RIF1: variants seen among roughly 807,000 people sequenced by gnomAD.
RIF1 encodes replication timing regulatory factor 1.
A neutral mutation model predicts 247.1 loss-of-function variants in RIF1; 45 were observed. The ratio of observed to expected loss-of-function variants is 0.18; its 90% CI spans 0.14 to 0.23. The LOEUF is 0.23. Among genes scored for constraint, RIF1 ranks in the 10% least tolerant of loss-of-function variants. RIF1 has a pLI of 1.00. For missense variants in RIF1, 2,967 were observed against 2,862.5 expected (o/e 1.04, Z -0.83); for synonymous variants, 1,087 against 978.8 (o/e 1.11, Z -2.06).
chr2:151,530,933 G>T, the RIF1 span: 4 of 1,111,608 alleles, frequency 3.6e-6, no homozygotes, highest in African/African-American at 3.1e-5. Flanking sequence ...ACCAGGGTTT[G>T]TTACATCTCA....
downstream of RIF1, chr2:151,485,775 G>T: frequency 1.2e-6 from 2 of 1,610,986 alleles, no homozygotes; most frequent in Non-Finnish European, 1.7e-6. Flanking sequence ...TAGCTTCAAC[G>T]TAGTTGGCTG....
At chr2:151,507,988 A>T (rs2153217324) in exon 14 of RIF1, 1 of 1,576,948 alleles carries the variant, frequency 6.3e-7, no homozygotes, top group Non-Finnish European at 8.7e-7. Flanking sequence ...TGTGCCTTAC[A>T]TTTAATAAAA....
At chr2:151,488,665 T>C (rs2053365007) in intron 9 of RIF1, among the ~76,000 whole-genome samples, 2 of 151,984 alleles carry the variant, frequency 1.3e-5, no homozygotes, top group Admixed American at 6.6e-5. Flanking sequence ...AAAAAAAGTA[T>C]TCTGTATTAT....
chr2:151,416,786 T>A, intron 5 of RIF1, 21 bp from the exon 6 acceptor site: 1 of 1,602,516 alleles, frequency 6.2e-7, no homozygotes, highest in Non-Finnish European at 8.5e-7. Flanking sequence ...TTCATTTGTA[T>A]TTATTTGGTT....
At chr2:151,529,123 T>C in the RIF1 span, 2 of 852,564 alleles carry the variant, frequency 2.3e-6, no homozygotes, top group Non-Finnish European at 4.0e-6. Flanking sequence ...TAGAGCTGAA[T>C]TGCCTGAAGA....
intron 23 of RIF1, 128 bp from the exon 24 acceptor site, chr2:151,457,633 A>T (rs910678833): frequency 1.6e-6 from 1 of 634,910 alleles, no homozygotes; most frequent in Non-Finnish European, 2.7e-6. Flanking sequence ...ATAAAGAGGG[A>T]TATATATTTA....
chr2:151,421,581 T>A lies in RIF1; in HGVS notation c.693+1202T>A, dbSNP rs535884228. Among the ~76,000 whole-genome samples, 14 of 152,280 alleles carry A rather than the reference T, an allele frequency of 9.2e-5. No homozygotes were observed. The South Asian group carries it at 2.9e-3, about 32-fold the overall frequency. ...GAAAGCCATATTTGAAGGTCTTGTT[T>A]TGTTTTTTGTTTGAGACAAGGTCTC... On this transcript the variant is annotated intron_variant, in intron 7 of 35. Coordinates refer to ENST00000444746, the MANE Select transcript of RIF1 (RefSeq NM_018151.5).
intron 8 of RIF1, among the ~76,000 whole-genome samples, chr2:151,424,840 T>TTTTTTTTTTTTTTTTTTC (rs1688742544): frequency 7.1e-6 from 1 of 141,414 alleles, no homozygotes; most frequent in African/African-American, 2.7e-5. Context: ...TTTTTTTTTT[T>TTTTTTTTTTTTTTTTTTC]TTTTTTTTTT....
chr2:151,487,046 TG>T (rs2051157645), downstream of RIF1, among the ~76,000 whole-genome samples: 2 of 151,254 alleles, frequency 1.3e-5, no homozygotes, highest in East Asian at 3.9e-4. Flanking sequence ...TGCATGAAAT[TG>T]TGTGTGTGTG....
At chr2:151,489,177 A>G (rs1174493205) in intron 9 of RIF1, among the ~76,000 whole-genome samples, 1 of 152,158 alleles carries the variant, frequency 6.6e-6, no homozygotes, top group Admixed American at 6.5e-5. Flanking sequence ...ACCTTCTTGT[A>G]TGTCATTTAA....
intron 6 of RIF1, 88 bp downstream of exon 6, chr2:151,416,989 G>C (rs6735771): frequency 1.1e-6 from 1 of 893,444 alleles, no homozygotes; most frequent in Non-Finnish European, 1.8e-6. Flanking sequence ...ATGAGAGACA[G>C]ACATTAAAAG....
chr2:151,501,352 A>G, intron 11 of RIF1: 1 of 1,301,562 alleles, frequency 7.7e-7, no homozygotes, highest in South Asian at 1.3e-5. Context: ...AGAAATTATT[A>G]TTTTTTAATA....
chr2:151,487,507 G>C (rs879229936), intron 9 of RIF1, among the ~76,000 whole-genome samples: 1 of 152,010 alleles, frequency 6.6e-6, no homozygotes, highest in Admixed American at 6.5e-5. Context: ...ATTTAATATA[G>C]CTTGGAAGTC....
chr2:151,433,781 C>T (rs555241491), intron 10 of RIF1, among the ~76,000 whole-genome samples: 2 of 152,024 alleles, frequency 1.3e-5, no homozygotes, highest in African/African-American at 2.4e-5. Flanking sequence ...TTAGCAAGTA[C>T]TCAAACATTC....
chr2:151,496,163 A>G (rs1376200608), intron 10 of RIF1: 3 of 1,237,918 alleles, frequency 2.4e-6, no homozygotes, highest in Non-Finnish European at 3.4e-6. Flanking sequence ...TTGCTAAAGA[A>G]ATTTCACAAA....
chr2:151,524,004 CTT>C, the RIF1 span, among the ~76,000 whole-genome samples: 143 of 152,264 alleles, frequency 9.4e-4, no homozygotes, highest in Non-Finnish European at 1.8e-3. Context: ...GGATGAAACT[CTT>C]AAGGCCTGGG....
At chr2:151,516,413 G>T in the RIF1 span, 2 of 1,321,388 alleles carry the variant, frequency 1.5e-6, no homozygotes, top group Admixed American at 1.8e-5. Flanking sequence ...CTTGTGTTCA[G>T]TAGTGTGATG....
At chr2:151,436,403 G>A (rs1381679094) in intron 11 of RIF1, among the ~76,000 whole-genome samples, 1 of 151,952 alleles carries the variant, frequency 6.6e-6, no homozygotes, top group Non-Finnish European at 1.5e-5. Flanking sequence ...ACTGAGCACA[G>A]TGGTATCCAT....
chr2:151,437,444 A>T, intron 13 of RIF1, 93 bp downstream of exon 13: 1 of 958,522 alleles, frequency 1.0e-6, no homozygotes, highest in African/African-American at 1.6e-5. Flanking sequence ...TAATCCCAGC[A>T]CTTTGGGAGG....
Sources: allele counts gnomAD v4.1 joint callset (sites outside exome capture counted in the v4.1 genomes callset), GRCh38; gene constraint gnomAD v4.1.1; transcripts MANE v1.5; gene names NCBI Gene and HGNC (gene_info 2026-07-23, HGNC 2026-07-21).